The following CNTNAP4 variants were observed in gnomAD, a reference collection of about 807,000 sequenced individuals.
CNTNAP4 encodes the protein contactin-associated protein-like 4.
CNTNAP4 carries 98 observed loss-of-function variants against 148.4 expected under a neutral mutation model. The observed-to-expected ratio is 0.66, with a 90% CI of 0.56 to 0.78. The LOEUF is 0.78. Among genes scored for constraint, CNTNAP4 ranks in the 30% least tolerant of loss-of-function variants. The pLI is 0.00. For missense variants in CNTNAP4, 1,935 were observed against 1,565.6 expected (o/e 1.24, Z -3.98); for synonymous variants, 730 against 565.1 (o/e 1.29, Z -4.14).
At position 76,452,506 on chromosome 16, in the gene CNTNAP4, A is replaced by G; in HGVS notation, c.1072-2A>G. 6.2e-7 allele frequency: 1 copy of G among 1,613,850 alleles called. No individual in the cohort carries two copies. Among genetic ancestry groups the G allele is most frequent in the Non-Finnish European group, 8.5e-7 (1 of 1,179,806 alleles). On this transcript the variant is annotated splice_acceptor_variant, in intron 7 of 23. Coordinates refer to ENST00000611870, the MANE Select transcript of CNTNAP4 (RefSeq NM_033401.5). LOFTEE classifies it high-confidence loss of function. ...AAGCTTTTTCTTTTACTTTATTCTC[A>G]GGGAAATGTGTCATTTTCTTGTTCA...
chr16:76,318,905 A>C (rs541615752), intron 2 of CNTNAP4, among the ~76,000 whole-genome samples: 1 of 152,106 alleles, frequency 6.6e-6, no homozygotes, highest in South Asian at 2.1e-4. Flanking sequence ...TTAAACCAGC[A>C]AATAAAGGTC....
chr16:76,378,225 A>G (rs2015624884), intron 3 of CNTNAP4, among the ~76,000 whole-genome samples: 1 of 152,206 alleles, frequency 6.6e-6, no homozygotes, highest in Non-Finnish European at 1.5e-5. Flanking sequence ...CCCAGAACTC[A>G]TTATTGCACA....
chr16:76,321,216 A>AGAG (rs1962371743), intron 2 of CNTNAP4, among the ~76,000 whole-genome samples: 1 of 152,242 alleles, frequency 6.6e-6, no homozygotes, highest in Non-Finnish European at 1.5e-5. Context: ...ACTTATCTGT[A>AGAG]GAGGAATTAG....
intron 1 of CNTNAP4, among the ~76,000 whole-genome samples, chr16:76,288,473 C>T (rs1958979501): frequency 6.6e-6 from 1 of 152,232 alleles, no homozygotes; most frequent in East Asian, 1.9e-4. Flanking sequence ...TCAAATACTT[C>T]ACTCTAAAAC....
At chr16:76,341,162 T>C (rs1001993603) in intron 2 of CNTNAP4, among the ~76,000 whole-genome samples, 4 of 152,192 alleles carry the variant, frequency 2.6e-5, no homozygotes, top group African/African-American at 9.7e-5. Flanking sequence ...TAAGTGTAGA[T>C]GCCAGCTCTC....
chr16:76,363,476 G>A (rs12935231), intron 3 of CNTNAP4, among the ~76,000 whole-genome samples: 8 of 151,922 alleles, frequency 5.3e-5, no homozygotes, highest in East Asian at 1.9e-4. Flanking sequence ...CCCTTATACC[G>A]TATGCAAAAA....
intron 2 of CNTNAP4, among the ~76,000 whole-genome samples, chr16:76,335,701 GAAGTCATTCTGTTGC>G (rs1963961486): frequency 2.0e-5 from 3 of 152,134 alleles, no homozygotes; most frequent in African/African-American, 7.2e-5. Context: ...GAAAAGTCAC[GAAGTCATTCTGTTGC>G]TGCCATGTGG....
chr16:76,318,580 T>TC (rs777384463), intron 2 of CNTNAP4, among the ~76,000 whole-genome samples: 2 of 151,720 alleles, frequency 1.3e-5, no homozygotes, highest in Admixed American at 6.6e-5. Flanking sequence ...TTTCTTTTTT[T>TC]CCCCTGTTAA....
At chr16:76,394,569 C>T (rs1047626473) in intron 3 of CNTNAP4, among the ~76,000 whole-genome samples, 7 of 151,944 alleles carry the variant, frequency 4.6e-5, no homozygotes, top group African/African-American at 1.7e-4. Context: ...GCTTTTTTCC[C>T]CCTTCTCCTT....
chr16:76,412,010 T>C (rs952530636), intron 3 of CNTNAP4, among the ~76,000 whole-genome samples: 9 of 151,426 alleles, frequency 5.9e-5, no homozygotes, highest in African/African-American at 2.2e-4. Context: ...TGCCATAGAT[T>C]AGTTTTGCTT....
chr16:76,499,741 A>T (rs1413895604), intron 15 of CNTNAP4, among the ~76,000 whole-genome samples: 1 of 150,296 alleles, frequency 6.7e-6, no homozygotes, highest in African/African-American at 2.4e-5. Flanking sequence ...GGTACTTGAG[A>T]TTAGGGAGTG....
chr16:76,305,347 A>G (rs1047910609), intron 1 of CNTNAP4, among the ~76,000 whole-genome samples: 4 of 152,062 alleles, frequency 2.6e-5, no homozygotes, highest in African/African-American at 7.2e-5. Context: ...GAAGAACTAG[A>G]TCGTAGATTG....
chr16:76,316,084 CTT>C (rs1415690604), intron 1 of CNTNAP4: 3 of 395,516 alleles, frequency 7.6e-6, no homozygotes, highest in South Asian at 1.6e-4. Flanking sequence ...TTTACAGTGT[CTT>C]TTGGAAACCT....
intron 4 of CNTNAP4, among the ~76,000 whole-genome samples, chr16:76,446,706 T>G (rs2080262444): frequency 6.6e-6 from 1 of 152,186 alleles, no homozygotes; most frequent in South Asian, 2.1e-4. Context: ...AGTATTGCCC[T>G]TAAATACTAC....
At chr16:76,368,858 G>A (rs938769539) in intron 3 of CNTNAP4, among the ~76,000 whole-genome samples, 1 of 151,904 alleles carries the variant, frequency 6.6e-6, no homozygotes, top group Admixed American at 6.6e-5. Context: ...TAAAAATAAA[G>A]CTCCTCAGTT....
At chr16:76,532,055 G>A (rs934035015) in intron 17 of CNTNAP4, among the ~76,000 whole-genome samples, 1 of 151,932 alleles carries the variant, frequency 6.6e-6, no homozygotes. Context: ...TTATTATCTT[G>A]TAGTAATCTT....
intron 4 of CNTNAP4, among the ~76,000 whole-genome samples, chr16:76,427,815 G>A (rs2079465781): frequency 6.6e-6 from 1 of 152,116 alleles, no homozygotes; most frequent in African/African-American, 2.4e-5. Flanking sequence ...GCACTTGATA[G>A]ATGGATAGAT....
intron 2 of CNTNAP4, among the ~76,000 whole-genome samples, chr16:76,318,567 G>T (rs1239471824): frequency 2.6e-5 from 4 of 151,204 alleles, no homozygotes; most frequent in Non-Finnish European, 4.4e-5. Flanking sequence ...TTTTGATTTA[G>T]GTTTTCTTTT....
chr16:76,378,999 A>G (rs996199255), intron 3 of CNTNAP4, among the ~76,000 whole-genome samples: 2 of 152,088 alleles, frequency 1.3e-5, no homozygotes, highest in African/African-American at 4.8e-5. Flanking sequence ...GTGACTTCAG[A>G]CTCAAAATGT....
Sources: allele counts gnomAD v4.1 joint callset (sites outside exome capture counted in the v4.1 genomes callset), GRCh38; gene constraint gnomAD v4.1.1; transcripts MANE v1.5; gene names NCBI Gene and HGNC (gene_info 2026-07-23, HGNC 2026-07-21).